Variants in PPP3CA observed in about 807,000 individuals in gnomAD.
The protein encoded by PPP3CA is CAM-PRP catalytic subunit.
PPP3CA carries 14 observed loss-of-function variants against 66.5 expected under a neutral mutation model. The observed-to-expected ratio is 0.21, with a 90% CI of 0.14 to 0.33. The LOEUF (loss-of-function observed/expected upper bound fraction) is 0.33, where lower values mean the gene tolerates loss of function less well. Ranked by LOEUF, PPP3CA falls within the 10% of genes least tolerant of loss-of-function variation. The pLI is 1.00. For synonymous variants in PPP3CA, 232 were observed against 226.2 expected (o/e 1.03, Z -0.23); for missense variants, 317 against 639.5 (o/e 0.50, Z 5.44).
intron 10 of PPP3CA, among the ~76,000 whole-genome samples, chr4:101,043,886 A>G (rs1334629837): frequency 1.3e-5 from 2 of 152,146 alleles, no homozygotes; most frequent in African/African-American, 2.4e-5. Flanking sequence ...AAAAAAAAAA[A>G]TTTCTCAATA....
At position 101,269,838 on chromosome 4, in the gene PPP3CA, A is replaced by T. The variant is rs570903020; in HGVS notation, c.59-73722T>A. Among the ~76,000 whole-genome samples, 14 of 152,252 alleles carry T rather than the reference A, an allele frequency of 9.2e-5. No homozygotes were observed. In the South Asian group the frequency reaches 2.7e-3, roughly 29 times the overall value. ...TATGGCAGTACTACAGAAATGCAAC[A>T]TCAGTAGAAGTCACGCCTTTGCTTT... On this transcript the variant is annotated intron_variant, in intron 1 of 13. Transcript: ENST00000394854.
At chr4:101,184,391 C>T (rs1724341152) in intron 2 of PPP3CA, among the ~76,000 whole-genome samples, 1 of 152,180 alleles carries the variant, frequency 6.6e-6, no homozygotes, top group Non-Finnish European at 1.5e-5. Context: ...TTATCTATAA[C>T]TGTGCTAATA....
chr4:101,063,200 T>C (rs1028112332), intron 9 of PPP3CA, 32 bp downstream of exon 9: 1 of 1,604,054 alleles, frequency 6.2e-7, no homozygotes, highest in Non-Finnish European at 8.5e-7. Context: ...TAAACTATTT[T>C]AAGAAGAACA....
At chr4:101,028,744 T>G (rs958376230) in intron 13 of PPP3CA, among the ~76,000 whole-genome samples, 5 of 152,316 alleles carry the variant, frequency 3.3e-5, no homozygotes, top group Middle Eastern at 3.4e-3. Context: ...TTTTTTCCTT[T>G]GGCTACAAAC....
At chr4:101,061,340 T>C (rs1728453999) in intron 9 of PPP3CA, among the ~76,000 whole-genome samples, 179 bp from the exon 10 acceptor site, 1 of 152,172 alleles carries the variant, frequency 6.6e-6, no homozygotes, top group Admixed American at 6.6e-5. Context: ...ATGCAGACTT[T>C]ATGAAACTAT....
Position 101,283,071 on chromosome 4 carries a change from A to G in PPP3CA, c.58+63668T>C, listed in dbSNP as rs568557081. Among the ~76,000 whole-genome samples the G allele has an allele frequency of 3.9e-5, 6 of 152,346 alleles. No individual in the cohort carries two copies. In the South Asian group the frequency reaches 1.2e-3, roughly 32 times the overall value. On this transcript the variant is annotated intron_variant, in intron 1 of 13. Coordinates refer to ENST00000394854, the MANE Select transcript of PPP3CA (RefSeq NM_000944.5). ...TTCATGTTTTAAAAATGTAAAACAA[A>G]ACAAAAAACCCTTCAAAATCAAAAC...
At chr4:101,076,770 C>A (rs528139605) in intron 8 of PPP3CA, among the ~76,000 whole-genome samples, 4 of 152,168 alleles carry the variant, frequency 2.6e-5, no homozygotes, top group Non-Finnish European at 5.9e-5. Flanking sequence ...AATTTTCCTG[C>A]GAGCTTCTGT....
rs571590389 is a variant in PPP3CA at position 101,156,886 on chromosome 4, C to T, written c.259+39030G>A. Among the ~76,000 whole-genome samples the T allele has an allele frequency of 3.9e-5, 6 of 152,114 alleles. No homozygotes were observed. In the South Asian group the frequency reaches 1.2e-3, roughly 32 times the overall value. ...GTTTTTAAACAGGAAATGAGGAGTGCAAAACGTTATTTTAGCAAAATTAAT... is the reference window on the plus strand; with the variant it reads ...GTTTTTAAACAGGAAATGAGGAGTGTAAAACGTTATTTTAGCAAAATTAAT... On this transcript the variant is annotated intron_variant, in intron 2 of 13. Transcript: ENST00000394854.
intron 1 of PPP3CA, among the ~76,000 whole-genome samples, chr4:101,298,220 A>G (rs1270710154): frequency 6.6e-6 from 1 of 152,032 alleles, no homozygotes; most frequent in East Asian, 1.9e-4. Context: ...AAGAGTCCCT[A>G]AGATGTAGCC....
intron 1 of PPP3CA, among the ~76,000 whole-genome samples, chr4:101,283,426 G>A (rs559140191): frequency 1.3e-5 from 2 of 152,098 alleles, no homozygotes; most frequent in South Asian, 4.2e-4. Flanking sequence ...TAGTCTCTCA[G>A]GTTAGTAAAA....
At chr4:101,221,943 C>T (rs1725638208) in intron 1 of PPP3CA, among the ~76,000 whole-genome samples, 1 of 151,528 alleles carries the variant, frequency 6.6e-6, no homozygotes, top group Admixed American at 6.6e-5. Flanking sequence ...ATTACCCAAA[C>T]ACACTTAAAA....
At chr4:101,050,464 CCTTGGGCAAGTATTAAGTCTCT>C (rs1223537239) in intron 10 of PPP3CA, among the ~76,000 whole-genome samples, 3 of 152,110 alleles carry the variant, frequency 2.0e-5, no homozygotes, top group African/African-American at 7.2e-5. Context: ...AGCTGTGCTA[CCTTGGGCAAGTATTAAGTCTCT>C]TTAAGGCTCA....
chr4:101,042,175 T>C (rs1446753176), intron 10 of PPP3CA, among the ~76,000 whole-genome samples: 1 of 145,606 alleles, frequency 6.9e-6, no homozygotes, highest in Non-Finnish European at 1.5e-5. Flanking sequence ...GGTCTTTGCT[T>C]TTTTTTTTTT....
intron 1 of PPP3CA, among the ~76,000 whole-genome samples, chr4:101,316,038 A>G (rs943559168): frequency 1.3e-5 from 2 of 152,100 alleles, no homozygotes; most frequent in Admixed American, 6.6e-5. Context: ...GCAGGGTAAG[A>G]AACATTTAAG....
chr4:101,047,869 T>C (rs1727836295), intron 10 of PPP3CA, among the ~76,000 whole-genome samples: 1 of 152,120 alleles, frequency 6.6e-6, no homozygotes, highest in South Asian at 2.1e-4. Flanking sequence ...ATTATTATTA[T>C]AGATAGTTCA....
At chr4:101,308,893 G>A in intron 1 of PPP3CA, among the ~76,000 whole-genome samples, 1 of 152,152 alleles carries the variant, frequency 6.6e-6, no homozygotes, top group Non-Finnish European at 1.5e-5. Flanking sequence ...AAGGAATCCA[G>A]AGTTTTCTAC....
chr4:101,079,342 T>C (rs555046817), intron 8 of PPP3CA, among the ~76,000 whole-genome samples: 1 of 152,122 alleles, frequency 6.6e-6, no homozygotes, highest in East Asian at 1.9e-4. Context: ...ACCTTAGATA[T>C]GTTATTTGAC....
intron 5 of PPP3CA, among the ~76,000 whole-genome samples, chr4:101,096,006 T>C (rs1195660423): frequency 1.3e-5 from 2 of 152,146 alleles, no homozygotes; most frequent in Non-Finnish European, 2.9e-5. Context: ...ACTTTAAATA[T>C]AGAGCAAAGA....
chr4:101,303,348 T>G (rs1257599111), intron 1 of PPP3CA, among the ~76,000 whole-genome samples: 3 of 152,210 alleles, frequency 2.0e-5, no homozygotes, highest in African/African-American at 7.2e-5. Context: ...ATCCTTATTT[T>G]TTCTACAAGT....
Sources: allele counts gnomAD v4.1 joint callset (sites outside exome capture counted in the v4.1 genomes callset), GRCh38; gene constraint gnomAD v4.1.1; transcripts MANE v1.5; gene names NCBI Gene and HGNC (gene_info 2026-07-23, HGNC 2026-07-21).